Variants in PAPPA2 observed in about 807,000 individuals in gnomAD.
PAPPA2 encodes the protein pappalysin 2, also known as pappalysin-2.
A neutral mutation model predicts 176.4 loss-of-function variants in PAPPA2; 86 were observed. The observed-to-expected ratio is 0.49, with a 90% confidence interval of 0.41 to 0.58. The LOEUF (loss-of-function observed/expected upper bound fraction) is 0.58. Among genes scored for constraint, PAPPA2 ranks in the 20% least tolerant of loss-of-function variants. The pLI, the probability that PAPPA2 is intolerant of heterozygous loss-of-function variation, is 0.00. For synonymous variants in PAPPA2, 809 were observed against 852.2 expected (o/e 0.95, Z 0.88); for missense variants, 2,073 against 2,256.9 (o/e 0.92, Z 1.65).
At position 176,616,585 on chromosome 1, in the gene PAPPA2, G is replaced by A. The variant is rs1655274142; in HGVS notation, c.1991+20990G>A. Reference sequence around the variant, plus strand: ...GATGGTGGTGCACCATCACCAAAAGGCCAATTGAGAACATGGATACCTTCT... The same window carrying A: ...GATGGTGGTGCACCATCACCAAAAGACCAATTGAGAACATGGATACCTTCT... On this transcript the variant is annotated intron_variant, in intron 3 of 22. Transcript: ENST00000367662. The A allele has an allele frequency of 1.0e-5, 16 of 1,543,252 alleles. No homozygotes were observed. In the South Asian group the frequency reaches 1.1e-4, roughly 11 times the overall value.
chr1:176,520,081 CAAG>C (rs1226604812), intron 1 of PAPPA2, among the ~76,000 whole-genome samples: 4 of 152,128 alleles, frequency 2.6e-5, no homozygotes, highest in Non-Finnish European at 5.9e-5. Context: ...AGAGAGGGGA[CAAG>C]AAGAAGGTCA....
intron 3 of PAPPA2, among the ~76,000 whole-genome samples, chr1:176,615,138 AC>A (rs1250512857): frequency 6.6e-6 from 1 of 152,222 alleles, no homozygotes; most frequent in Non-Finnish European, 1.5e-5. Flanking sequence ...TCTGTACAAG[AC>A]AAAGGCAACA....
intron 21 of PAPPA2, among the ~76,000 whole-genome samples, chr1:176,828,445 G>A (rs572332514): frequency 6.6e-6 from 1 of 151,562 alleles, no homozygotes; most frequent in African/African-American, 2.4e-5. Flanking sequence ...ATCTATACGT[G>A]CGTATAAAAT....
chr1:176,665,407 AGCTGGCCTTAGAGAGTT>A (rs1316118811), intron 3 of PAPPA2, among the ~76,000 whole-genome samples: 4 of 152,038 alleles, frequency 2.6e-5, no homozygotes, highest in African/African-American at 7.2e-5. Context: ...TCTGGGGAAA[AGCTGGCCTTAGAGAGTT>A]GGCGCCTGAT....
chr1:176,655,328 G>A (rs1305516787), intron 3 of PAPPA2, among the ~76,000 whole-genome samples: 3 of 151,460 alleles, frequency 2.0e-5, no homozygotes, highest in South Asian at 2.1e-4. Context: ...TTGTGATATC[G>A]AACAGACAAC....
chr1:176,830,385 T>G (rs1158704454), intron 21 of PAPPA2, among the ~76,000 whole-genome samples: 1 of 152,180 alleles, frequency 6.6e-6, no homozygotes, highest in Non-Finnish European at 1.5e-5. Flanking sequence ...GCACATATTG[T>G]AATGTATTGG....
At chr1:176,834,422 G>A (rs1667191151) in intron 21 of PAPPA2, among the ~76,000 whole-genome samples, 1 of 152,230 alleles carries the variant, frequency 6.6e-6, no homozygotes, top group Admixed American at 6.5e-5. Context: ...GAGTGGAAGA[G>A]TTGAACAACG....
At chr1:176,808,178 C>T (rs1052662586) in intron 21 of PAPPA2, among the ~76,000 whole-genome samples, 21 of 152,010 alleles carry the variant, frequency 1.4e-4, no homozygotes, top group African/African-American at 3.4e-4. Flanking sequence ...ATATAGGGTG[C>T]GGGGTATTTA....
intron 1 of PAPPA2, among the ~76,000 whole-genome samples, chr1:176,491,727 A>G (rs1273050693): frequency 6.6e-6 from 1 of 152,220 alleles, no homozygotes; most frequent in Non-Finnish European, 1.5e-5. Context: ...TAAAAGCATT[A>G]GTAGTTATTT....
At chr1:176,687,090 G>T (rs1659872884) in intron 4 of PAPPA2, among the ~76,000 whole-genome samples, 2 of 152,136 alleles carry the variant, frequency 1.3e-5, no homozygotes, top group South Asian at 4.2e-4. Context: ...TATATTTTGT[G>T]CAATCTCCTA....
intron 12 of PAPPA2, among the ~76,000 whole-genome samples, chr1:176,727,529 GA>G (rs917635291): frequency 6.6e-5 from 10 of 152,088 alleles, no homozygotes; most frequent in African/African-American, 2.4e-4. Context: ...GTTATAAATT[GA>G]AGCACTTAAG....
At chr1:176,560,567 C>T (rs928872524) in intron 2 of PAPPA2, among the ~76,000 whole-genome samples, 4 of 152,116 alleles carry the variant, frequency 2.6e-5, no homozygotes, top group Non-Finnish European at 4.4e-5. Flanking sequence ...TAGTCAGGGG[C>T]CTGGCAGCTC....
chr1:176,593,811 G>T (rs1002652499), intron 2 of PAPPA2, among the ~76,000 whole-genome samples: 2 of 152,172 alleles, frequency 1.3e-5, no homozygotes, highest in African/African-American at 4.8e-5. Context: ...TGCGGTGGGT[G>T]GTATTGGGTA....
intron 1 of PAPPA2, among the ~76,000 whole-genome samples, chr1:176,479,107 A>G (rs927324379): frequency 1.4e-4 from 21 of 152,210 alleles, no homozygotes; most frequent in Non-Finnish European, 2.8e-4. Context: ...AACTCATTTA[A>G]TGATCACAGC....
chr1:176,730,629 T>G (rs1329942066), intron 12 of PAPPA2, among the ~76,000 whole-genome samples: 1 of 151,606 alleles, frequency 6.6e-6, no homozygotes, highest in East Asian at 1.9e-4. Context: ...TGATTTCTAC[T>G]CTTATCTTCA....
chr1:176,475,812 A>G (rs1652090388), intron 1 of PAPPA2, among the ~76,000 whole-genome samples: 1 of 151,892 alleles, frequency 6.6e-6, no homozygotes. Context: ...AGCCATGGCC[A>G]TTGGTCCACT....
intron 1 of PAPPA2, among the ~76,000 whole-genome samples, chr1:176,495,998 A>G (rs1291857524): frequency 6.6e-6 from 1 of 152,210 alleles, no homozygotes; most frequent in Non-Finnish European, 1.5e-5. Flanking sequence ...GGTTACACTG[A>G]CTATTCAACT....
At chr1:176,655,970 GAT>G (rs1217055930) in intron 3 of PAPPA2, among the ~76,000 whole-genome samples, 1 of 151,700 alleles carries the variant, frequency 6.6e-6, no homozygotes, top group Admixed American at 6.6e-5. Flanking sequence ...ACTGTCCCGT[GAT>G]ATATAAATCA....
At chr1:176,685,122 C>T (rs957579980) in intron 4 of PAPPA2, among the ~76,000 whole-genome samples, 5 of 151,546 alleles carry the variant, frequency 3.3e-5, no homozygotes, top group African/African-American at 1.2e-4. Context: ...TAGGTGGGAG[C>T]CAATGAAGGT....
Sources: gnomAD v4.1 joint callset for allele counts (sites outside exome capture counted in the v4.1 genomes callset) on GRCh38, gnomAD v4.1.1 for gene constraint, MANE v1.5 for transcripts, NCBI Gene and HGNC (gene_info 2026-07-23, HGNC 2026-07-21) for gene names.